Variants in NUP62 observed in about 807,000 individuals in gnomAD.
The protein encoded by NUP62 is nuclear pore glycoprotein p62.
For synonymous variants in NUP62, 305 were observed against 303.4 expected, an observed-to-expected ratio of 1.01 and a Z score of -0.05; for missense variants, 647 against 689.4, an observed-to-expected ratio of 0.94 and a Z score of 0.69.
At chr19:49,910,858 A>C (rs2075445529) in intron 2 of NUP62, among the ~76,000 whole-genome samples, 2 of 152,214 alleles carry the variant, frequency 1.3e-5, no homozygotes, top group Admixed American at 6.5e-5. Flanking sequence ...CAGGAAGGTC[A>C]AAGGTTACCT....
At chr19:49,920,088 A>G (rs1343634840) in intron 2 of NUP62, among the ~76,000 whole-genome samples, 3 of 151,136 alleles carry the variant, frequency 2.0e-5, no homozygotes, top group Non-Finnish European at 4.4e-5. Flanking sequence ...CACACCAGCT[A>G]ATTTTTTTTT....
At chr19:49,917,400 G>A (rs752492073) in intron 2 of NUP62, among the ~76,000 whole-genome samples, 4 of 152,152 alleles carry the variant, frequency 2.6e-5, no homozygotes, top group East Asian at 1.9e-4. Flanking sequence ...TTTCCTTTGC[G>A]TCAAAGAAAA....
chr19:49,924,459 G>A (rs1246944555), intron 2 of NUP62, among the ~76,000 whole-genome samples: 1 of 152,052 alleles, frequency 6.6e-6, no homozygotes, highest in African/African-American at 2.4e-5. Context: ...CGAACTCCCC[G>A]TCCCCGTCAA....
rs1238290259 is a variant in NUP62, at chr19:49,906,979, A to G, written c.*1260T>C. The G allele has an allele frequency of 6.5e-6, 1 of 153,280 alleles. No individual in the cohort carries two copies. Among genetic ancestry groups the G allele is most frequent in the East Asian group, 1.9e-4 (1 of 5,206 alleles). 9.5% of individuals were successfully genotyped at this position (153,280 alleles called of 1,614,324 possible). A position where few individuals can be genotyped will look rare whatever the true frequency, so the allele number is the denominator to read the frequency against. On this transcript the variant is annotated 3_prime_UTR_variant, in exon 3 of 3. Coordinates refer to ENST00000352066, the MANE Select transcript of NUP62 (RefSeq NM_016553.5). ...ACAGTGGATTTTACTGTAACTGACT[A>G]GAGTTACTCTGGTGCCACTAAGTTC...
rs760420618 is a variant in NUP62, at chr19:49,908,995, T to A, written c.813A>T (p.Thr271=). 1 of 1,610,174 alleles carries A rather than the reference T, an allele frequency of 6.2e-7. No homozygotes were observed. Among genetic ancestry groups the A allele is most frequent in the East Asian group, 2.2e-5 (1 of 44,682 alleles). The change falls in exon 3 of 3, where the codon ACA becomes ACT. Residue 271 remains threonine, a synonymous_variant. Coordinates refer to ENST00000352066, the MANE Select transcript of NUP62 (RefSeq NM_016553.5). The stretch of plus-strand genomic sequence containing the variant: ...TGGCGGTGGCGGTGGCAGCGGTGGA[T>A]GTTGTTGTGGAGGTGCCGGAAGCTG... ...PGAASGTSTT[T]STAATATATT... is the part of the protein sequence containing the mutation.
intron 2 of NUP62, among the ~76,000 whole-genome samples, chr19:49,915,140 G>A (rs8101363): frequency 0.33 from 50,363 of 151,838 alleles, 8,710 homozygotes; most frequent in East Asian, 0.41. Flanking sequence ...AATTAGGAAG[G>A]ATGTGTGCTA....
chr19:49,915,159 G>T (rs959176484), intron 2 of NUP62, among the ~76,000 whole-genome samples: 1 of 152,098 alleles, frequency 6.6e-6, no homozygotes, highest in South Asian at 2.1e-4. Flanking sequence ...TATGTGTGTG[G>T]GGGGGTAGAC....
intron 2 of NUP62, among the ~76,000 whole-genome samples, chr19:49,922,103 G>C (rs1279332409): frequency 6.6e-6 from 1 of 152,184 alleles, no homozygotes; most frequent in African/African-American, 2.4e-5. Context: ...CTGACTCAGA[G>C]CTGCTGGCTG....
chr19:49,908,369 G>C lies in NUP62; in HGVS notation c.1439C>G (p.Ala480Gly). 6.2e-7 allele frequency: 1 copy of C among 1,614,208 alleles called. No individual in the cohort carries two copies. The highest frequency in any genetic ancestry group is 8.5e-7 in the Non-Finnish European group (1 of 1,180,046). The change falls in exon 3 of 3, where the codon GCG becomes GGG. Residue 480 changes from alanine to glycine, a missense_variant. Ala to Gly is a moderately conservative substitution (Grantham distance 60, BLOSUM62 0). Coordinates refer to ENST00000352066, the MANE Select transcript of NUP62 (RefSeq NM_016553.5). ...GATCCACTGCAGTGAGTCCATGTGC[G>C]CATTGAGGATCTTGCAGATCTGCTG... ...PLQQICKILNAHMDSLQWIDQ... is the reference protein window; with the variant it reads ...PLQQICKILNGHMDSLQWIDQ...
chr19:49,908,189 T>G lies in NUP62; in HGVS notation c.*50A>C. The G allele has an allele frequency of 1.2e-5, 19 of 1,602,236 alleles. No homozygotes were observed. Among genetic ancestry groups the G allele is most frequent in the Non-Finnish European group, 1.6e-5 (19 of 1,177,280 alleles). On this transcript the variant is annotated 3_prime_UTR_variant, in exon 3 of 3. Transcript: ENST00000352066. Reference sequence around the variant, plus strand: ...CCCAAACTACAGACAACAGGGCGCATTCCCCTCATGAACTCCCTAGGGACC... The same window carrying G: ...CCCAAACTACAGACAACAGGGCGCAGTCCCCTCATGAACTCCCTAGGGACC...
chr19:49,925,086 A>G (rs1031417845), intron 2 of NUP62, among the ~76,000 whole-genome samples: 6 of 151,804 alleles, frequency 4.0e-5, no homozygotes, highest in African/African-American at 1.5e-4. Context: ...ACATGGAGAA[A>G]CCCCGTCTCT....
intron 2 of NUP62, among the ~76,000 whole-genome samples, chr19:49,923,862 G>A (rs898632291): frequency 4.6e-5 from 7 of 152,204 alleles, no homozygotes; most frequent in African/African-American, 7.2e-5. Context: ...CCCACGCTGC[G>A]GAAGGCAGCC....
At chr19:49,916,907 C>T (rs866831846) in intron 2 of NUP62, among the ~76,000 whole-genome samples, 8 of 152,304 alleles carry the variant, frequency 5.3e-5, no homozygotes, top group Middle Eastern at 3.4e-3. Flanking sequence ...GGCGGCTGAG[C>T]GAGACCCCGT....
chr19:49,917,715 G>A (rs1243514520), intron 2 of NUP62: 1 of 152,234 alleles, frequency 6.6e-6, no homozygotes, highest in East Asian at 1.9e-4. Context: ...CCCTGCCTGG[G>A]GTATGGCCAA....
chr19:49,926,855 C>CT (rs57084948), intron 2 of NUP62, among the ~76,000 whole-genome samples: 43 of 125,626 alleles, frequency 3.4e-4, no homozygotes, highest in South Asian at 1.3e-3. Context: ...GAAGTAGGTA[C>CT]TTTTTTTTTT....
intron 1 of NUP62, chr19:49,928,839 T>C (rs912449115): frequency 2.6e-5 from 4 of 152,156 alleles, no homozygotes; most frequent in Non-Finnish European, 5.9e-5. Flanking sequence ...AATGAACTGG[T>C]GCAGGTCTGC....
chr19:49,913,973 C>T (rs1272818461), intron 2 of NUP62, among the ~76,000 whole-genome samples: 1 of 152,122 alleles, frequency 6.6e-6, no homozygotes, highest in Non-Finnish European at 1.5e-5. Flanking sequence ...GAGCCTGAGG[C>T]CCGAACTGGA....
intron 2 of NUP62, among the ~76,000 whole-genome samples, chr19:49,925,776 T>C (rs1390844951): frequency 1.3e-5 from 2 of 152,216 alleles, no homozygotes; most frequent in Non-Finnish European, 2.9e-5. Flanking sequence ...GATGTTGCCT[T>C]GGTTGTGACA....
chr19:49,927,193 C>T (rs563229929), intron 2 of NUP62, among the ~76,000 whole-genome samples: 104 of 152,006 alleles, frequency 6.8e-4, no homozygotes, highest in Non-Finnish European at 1.4e-3. Flanking sequence ...CACTTCGTAC[C>T]ACAGGGGAAA....
Sources: allele counts gnomAD v4.1 joint callset (sites outside exome capture counted in the v4.1 genomes callset), GRCh38; gene constraint gnomAD v4.1.1; transcripts MANE v1.5; gene names NCBI Gene and HGNC (gene_info 2026-07-23, HGNC 2026-07-21).